The following NLN variants were observed in gnomAD, a reference collection of about 807,000 sequenced individuals.
The protein encoded by NLN is neurolysin, mitochondrial.
Under a neutral mutation model 79.9 loss-of-function variants are expected in NLN, and 64 were observed. The ratio of observed to expected loss-of-function variants is 0.80; its 90% CI spans 0.65 to 0.99. The LOEUF (loss-of-function observed/expected upper bound fraction) is 0.99. Among genes scored for constraint, NLN ranks in the 50% least tolerant of loss-of-function variants. The pLI, the probability that NLN is intolerant of heterozygous loss-of-function variation, is 0.00. For synonymous variants in NLN, 267 were observed against 296.6 expected (o/e 0.90, Z 1.02); for missense variants, 835 against 858.7 (o/e 0.97, Z 0.34).
chr5:65,776,646 G>T (rs1759684990), intron 3 of NLN, among the ~76,000 whole-genome samples: 2 of 152,198 alleles, frequency 1.3e-5, no homozygotes, highest in African/African-American at 2.4e-5. Flanking sequence ...ATCCAGATGT[G>T]CCATGTGTAT....
chr5:65,805,513 A>G lies in NLN; in HGVS notation c.1528-4002A>G, dbSNP rs529021813. ...TGGGTAGAAGATGAAACCAGCTACA[A>G]CATTCCCTTAAGACAAAGTCTAATC... On this transcript the variant is annotated intron_variant, in intron 9 of 12. Transcript: ENST00000380985. Among the ~76,000 whole-genome samples, 11 of 152,362 alleles carry G rather than the reference A, an allele frequency of 7.2e-5. No individual in the cohort carries two copies. In the South Asian group the frequency reaches 2.1e-3, roughly 29 times the overall value.
chr5:65,729,488 C>T (rs1009244383), intron 1 of NLN, among the ~76,000 whole-genome samples: 5 of 150,910 alleles, frequency 3.3e-5, no homozygotes, highest in Non-Finnish European at 7.4e-5. Flanking sequence ...GATTCTCCTG[C>T]CTCAGCCTCC....
chr5:65,738,425 A>G (rs1758782224), intron 1 of NLN, among the ~76,000 whole-genome samples: 1 of 151,842 alleles, frequency 6.6e-6, no homozygotes, highest in African/African-American at 2.4e-5. Context: ...TTCTACAAAA[A>G]ATGTAAAAAG....
intron 3 of NLN, among the ~76,000 whole-genome samples, chr5:65,769,160 A>G (rs554044665): frequency 1.7e-4 from 26 of 152,370 alleles, no homozygotes; most frequent in Non-Finnish European, 3.1e-4. Context: ...CTGCCATACC[A>G]TATGGGTTGA....
chr5:65,782,340 TG>T (rs1431832235), intron 6 of NLN, among the ~76,000 whole-genome samples: 3 of 152,206 alleles, frequency 2.0e-5, no homozygotes, highest in African/African-American at 7.2e-5. Flanking sequence ...TCCAAACTTT[TG>T]TAGGCCAGAC....
chr5:65,809,680 G>A lies in NLN; in HGVS notation c.1693G>A (p.Ala565Thr). 1 of 1,607,062 alleles carries A rather than the reference G, an allele frequency of 6.2e-7. No individual in the cohort carries two copies. Among genetic ancestry groups the A allele is most frequent in the Non-Finnish European group, 8.5e-7 (1 of 1,178,046 alleles). Residue 565 changes from alanine (A) to threonine (T), a missense_variant, in exon 10 of 13, where the codon GCT becomes ACT. Physicochemically the swap from Ala to Thr is moderately conservative, Grantham distance 58. Transcript: ENST00000380985. ...IADDLLEKLV[A>T]SRLVNTGLLT... ...AGACGATCTGCTTGAAAAACTTGTT[G>A]CTTCTAGGCTGGTCAACACAGGTAT...
intron 3 of NLN, among the ~76,000 whole-genome samples, chr5:65,767,280 G>C (rs1385533135): frequency 4.6e-5 from 7 of 152,134 alleles, no homozygotes; most frequent in Admixed American, 4.6e-4. Context: ...TGAAATCTAG[G>C]AGGTTCACAA....
chr5:65,757,278 T>C (rs1014463541), intron 1 of NLN, among the ~76,000 whole-genome samples: 5 of 152,218 alleles, frequency 3.3e-5, no homozygotes, highest in African/African-American at 4.8e-5. Context: ...TAAGGTTGTT[T>C]TGGGATCCTG....
intron 1 of NLN, among the ~76,000 whole-genome samples, chr5:65,724,077 G>A (rs1758397404): frequency 8.0e-6 from 1 of 124,996 alleles, no homozygotes; most frequent in Non-Finnish European, 1.6e-5. Context: ...CAATCAGTGA[G>A]AAGATTAACA....
chr5:65,733,532 G>T lies in NLN; in HGVS notation c.41+11118G>T, dbSNP rs1035666829. ...ATTGGGAGATCCTTGCCCCAATTCG[G>T]GCTGAGCTGATGTGTACAGTCAGGG... On this transcript the variant is annotated intron_variant, in intron 1 of 12. Coordinates refer to ENST00000380985, the MANE Select transcript of NLN (RefSeq NM_020726.5). 170 of 1,460,414 alleles carry T rather than the reference G, an allele frequency of 1.2e-4. 28 individuals carry two copies. Among genetic ancestry groups the T allele is most frequent in the Non-Finnish European group, 1.5e-4 (161 of 1,056,412 alleles). The allele number at this position is 1,460,414 out of a possible 1,614,324, so 90.5% of individuals were successfully genotyped here.
intron 1 of NLN, among the ~76,000 whole-genome samples, chr5:65,732,032 T>C (rs938732112): frequency 1.3e-5 from 2 of 152,190 alleles, no homozygotes; most frequent in African/African-American, 4.8e-5. Context: ...ATTACAGGCA[T>C]GAGCCACCAC....
At chr5:65,759,198 A>C (rs1386447383) in intron 2 of NLN, among the ~76,000 whole-genome samples, 1 of 152,180 alleles carries the variant, frequency 6.6e-6, no homozygotes, top group African/African-American at 2.4e-5. Context: ...AACAATTCCC[A>C]AATGTCAACT....
At chr5:65,740,342 CA>C (rs887517515) in intron 1 of NLN, among the ~76,000 whole-genome samples, 1 of 152,022 alleles carries the variant, frequency 6.6e-6, no homozygotes, top group African/African-American at 2.4e-5. Context: ...ATAACTAACC[CA>C]CTCCTGTTCT....
chr5:65,755,034 A>G (rs181872146), intron 1 of NLN, among the ~76,000 whole-genome samples: 1 of 152,306 alleles, frequency 6.6e-6, no homozygotes, highest in East Asian at 1.9e-4. Context: ...AAATTCAGAT[A>G]TCTCACATTT....
At chr5:65,731,639 CAG>C (rs946171708) in intron 1 of NLN, among the ~76,000 whole-genome samples, 1 of 151,228 alleles carries the variant, frequency 6.6e-6, no homozygotes, top group African/African-American at 2.4e-5. Context: ...TTTATACAGT[CAG>C]AAATATCAGT....
At chr5:65,764,611 T>C (rs907694124) in intron 3 of NLN, among the ~76,000 whole-genome samples, 1 of 152,246 alleles carries the variant, frequency 6.6e-6, no homozygotes, top group Admixed American at 6.5e-5. Context: ...TAGAGTAGAC[T>C]GGCACACTAT....
rs1760923699 is a variant in NLN, at chr5:65,826,521, C to T, written c.*3606C>T. On this transcript the variant is annotated 3_prime_UTR_variant, in exon 13 of 13. Coordinates refer to ENST00000380985, the MANE Select transcript of NLN (RefSeq NM_020726.5). ...GTGACCACAGCTTCTTCCCTCAAAT[C>T]AACACATTACAGTTAGATGTCTCCC... is the stretch of plus-strand genomic sequence containing the variant. The T allele has an allele frequency of 6.6e-6, 1 of 152,216 alleles. No individual in the cohort carries two copies. Among genetic ancestry groups the T allele is most frequent in the Non-Finnish European group, 1.5e-5 (1 of 68,040 alleles). 9.4% of individuals were successfully genotyped at this position (152,216 alleles called of 1,614,324 possible).
intron 3 of NLN, among the ~76,000 whole-genome samples, chr5:65,769,279 G>A (rs1378220441): frequency 1.3e-5 from 2 of 152,124 alleles, no homozygotes; most frequent in African/African-American, 4.8e-5. Context: ...GAGGAGGTGG[G>A]GATGGTTAAT....
chr5:65,780,175 T>G lies in NLN; in HGVS notation c.559-4T>G. The G allele has an allele frequency of 1.7e-6, 2 of 1,187,530 alleles. No individual in the cohort carries two copies. The highest frequency in any genetic ancestry group is 2.5e-6 in the Non-Finnish European group (2 of 805,436). 73.6% of individuals were successfully genotyped at this position (1,187,530 alleles called of 1,614,324 possible). A position where few individuals can be genotyped will look rare whatever the true frequency, so the allele number is the denominator to read the frequency against. On this transcript the variant is annotated splice_polypyrimidine_tract_variant and splice_region_variant and intron_variant, in intron 4 of 12. Transcript: ENST00000380985. ...AATGCCCTGTATTTTTATCTTCCTT[T>G]CAGGAAATCAAATCAATGAAGAAAA...
Sources: gnomAD v4.1 joint callset for allele counts (sites outside exome capture counted in the v4.1 genomes callset) on GRCh38, gnomAD v4.1.1 for gene constraint, MANE v1.5 for transcripts, NCBI Gene and HGNC (gene_info 2026-07-23, HGNC 2026-07-21) for gene names.